The following CREB5 variants were observed in gnomAD, a reference collection of about 807,000 sequenced individuals.
The protein encoded by CREB5 is cAMP responsive element binding protein 5.
CREB5 carries 19 observed loss-of-function variants against 57.1 expected under a neutral mutation model. The observed-to-expected ratio is 0.33, with a 90% CI of 0.23 to 0.49. The LOEUF (loss-of-function observed/expected upper bound fraction) is 0.49. Among genes scored for constraint, CREB5 ranks in the 20% least tolerant of loss-of-function variants. CREB5 has a pLI of 0.99. For missense variants in CREB5, 579 were observed against 671.6 expected, an observed-to-expected ratio of 0.86 and a Z score of 1.52; for synonymous variants, 238 against 238.3, an observed-to-expected ratio of 1.00 and a Z score of 0.01.
chr7:28,320,880 C>T (rs1785484119), intron 1 of CREB5, among the ~76,000 whole-genome samples: 1 of 152,090 alleles, frequency 6.6e-6, no homozygotes, highest in Non-Finnish European at 1.5e-5. Context: ...TATGTAAAAA[C>T]CAAGGTGCAG....
chr7:28,703,539 A>T (rs540563793), intron 5 of CREB5, among the ~76,000 whole-genome samples: 24 of 152,316 alleles, frequency 1.6e-4, no homozygotes, highest in African/African-American at 5.0e-4. Flanking sequence ...ATGATCTGCC[A>T]TCTGCCAGCT....
chr7:28,399,395 A>G (rs964314926), intron 1 of CREB5, among the ~76,000 whole-genome samples: 8 of 148,228 alleles, frequency 5.4e-5, no homozygotes, highest in African/African-American at 2.0e-4. Context: ...TTCAAACTAT[A>G]TTACAAAACA....
intron 1 of CREB5, among the ~76,000 whole-genome samples, chr7:28,397,529 C>T (rs1787363860): frequency 1.3e-5 from 2 of 152,144 alleles, no homozygotes; most frequent in South Asian, 4.1e-4. Flanking sequence ...ACAGCTGCCC[C>T]TCAGTCAGTT....
chr7:28,746,348 C>T lies in CREB5; in HGVS notation c.702+22016C>T, dbSNP rs557528551. The stretch of plus-strand genomic sequence containing the variant: ...AACATGGCATTAGTCTGTAGAGGCT[C>T]GTTTCAATACCACAAAGGCTACTTC... On this transcript the variant is annotated intron_variant, in intron 7 of 10. Coordinates refer to ENST00000357727, the MANE Select transcript of CREB5 (RefSeq NM_182898.4). Among the ~76,000 whole-genome samples the T allele has an allele frequency of 1.7e-3, 253 of 152,272 alleles. 1 individual carries two copies. The highest frequency in any genetic ancestry group is 0.01 in the Middle Eastern group (3 of 294).
chr7:28,653,004 C>A (rs540246778), intron 5 of CREB5, among the ~76,000 whole-genome samples: 1 of 152,040 alleles, frequency 6.6e-6, no homozygotes, highest in Non-Finnish European at 1.5e-5. Flanking sequence ...AGCTCTGTAG[C>A]CACAGACATG....
At chr7:28,716,570 G>A (rs1235418106) in intron 5 of CREB5, among the ~76,000 whole-genome samples, 1 of 152,172 alleles carries the variant, frequency 6.6e-6, no homozygotes, top group African/African-American at 2.4e-5. Flanking sequence ...TCTCATTATG[G>A]AGGTAGGGAG....
chr7:28,379,824 T>C (rs1786924688), intron 1 of CREB5, among the ~76,000 whole-genome samples: 1 of 152,212 alleles, frequency 6.6e-6, no homozygotes, highest in Non-Finnish European at 1.5e-5. Flanking sequence ...CTGTCAGAAA[T>C]ACAAATTCTT....
At chr7:28,360,649 A>G (rs1244046165) in intron 1 of CREB5, among the ~76,000 whole-genome samples, 1 of 152,212 alleles carries the variant, frequency 6.6e-6, no homozygotes, top group Non-Finnish European at 1.5e-5. Flanking sequence ...GGTAATAGAT[A>G]AGCTAATTAA....
intron 1 of CREB5, among the ~76,000 whole-genome samples, chr7:28,478,874 T>C (rs962306060): frequency 5.3e-5 from 8 of 152,244 alleles, no homozygotes; most frequent in African/African-American, 1.9e-4. Flanking sequence ...TGCAAGGGTA[T>C]GCTTATGCTT....
At chr7:28,470,634 C>T (rs1790766080) in intron 1 of CREB5, among the ~76,000 whole-genome samples, 3 of 152,058 alleles carry the variant, frequency 2.0e-5, no homozygotes, top group Non-Finnish European at 4.4e-5. Context: ...TATTTTTTAG[C>T]TTTTTGAGAA....
At chr7:28,424,651 G>A (rs16874562) in intron 1 of CREB5, among the ~76,000 whole-genome samples, 3 of 152,136 alleles carry the variant, frequency 2.0e-5, no homozygotes, top group African/African-American at 7.2e-5. Flanking sequence ...AACGCTGAAA[G>A]GTTAACACCA....
intron 5 of CREB5, among the ~76,000 whole-genome samples, chr7:28,631,265 G>A (rs902285289): frequency 4.6e-5 from 7 of 152,166 alleles, no homozygotes; most frequent in African/African-American, 1.4e-4. Flanking sequence ...ACCCTTCACA[G>A]CTGTTTGTGA....
chr7:28,300,350 G>A (rs527255780), intron 1 of CREB5, among the ~76,000 whole-genome samples: 14 of 152,256 alleles, frequency 9.2e-5, no homozygotes, highest in Middle Eastern at 3.4e-3. Context: ...TTTATATGCC[G>A]TCAAGGCAGC....
chr7:28,318,694 G>T (rs149640757), intron 1 of CREB5, among the ~76,000 whole-genome samples: 148 of 152,226 alleles, frequency 9.7e-4, no homozygotes, highest in African/African-American at 3.3e-3. Flanking sequence ...CTGGTTCAGG[G>T]ATCGTGCCTA....
At chr7:28,463,743 T>C (rs112797515) in intron 1 of CREB5, among the ~76,000 whole-genome samples, 3 of 152,246 alleles carry the variant, frequency 2.0e-5, no homozygotes, top group Admixed American at 1.3e-4. Flanking sequence ...AGAAACACAA[T>C]TGAGTTTTGT....
chr7:28,714,077 C>T (rs1043850014), intron 5 of CREB5, among the ~76,000 whole-genome samples: 3 of 152,018 alleles, frequency 2.0e-5, no homozygotes, highest in Non-Finnish European at 1.5e-5. Context: ...CTCCTGCGCT[C>T]AAGTGATCCT....
At chr7:28,582,387 T>A (rs1796152718) in intron 5 of CREB5, among the ~76,000 whole-genome samples, 1 of 152,242 alleles carries the variant, frequency 6.6e-6, no homozygotes, top group East Asian at 1.9e-4. Context: ...ACATTTTTAC[T>A]AAGTCACAGT....
intron 5 of CREB5, among the ~76,000 whole-genome samples, chr7:28,679,282 C>T (rs1259499172): frequency 6.6e-6 from 1 of 152,124 alleles, no homozygotes; most frequent in Non-Finnish European, 1.5e-5. Flanking sequence ...TTATGAAAGT[C>T]CCCATGAACT....
intron 4 of CREB5, among the ~76,000 whole-genome samples, chr7:28,538,117 G>A (rs1043398659): frequency 4.6e-5 from 7 of 152,054 alleles, no homozygotes; most frequent in African/African-American, 1.7e-4. Flanking sequence ...GCAGTGGCGC[G>A]ATCTCTGCTC....
Sources: gnomAD v4.1 joint callset for allele counts (sites outside exome capture counted in the v4.1 genomes callset) on GRCh38, gnomAD v4.1.1 for gene constraint, MANE v1.5 for transcripts, NCBI Gene and HGNC (gene_info 2026-07-23, HGNC 2026-07-21) for gene names.